Variants in XKR9 observed in about 807,000 individuals in gnomAD.
XKR9 encodes XK-related protein 9.
A neutral mutation model predicts 32.0 loss-of-function variants in XKR9; 32 were observed. The observed-to-expected ratio is 1.00, with a 90% CI of 0.76 to 1.34. XKR9 has a LOEUF of 1.34. Among genes scored for constraint, XKR9 ranks in the 40% most tolerant of loss-of-function variants. The pLI, the probability that XKR9 is intolerant of heterozygous loss-of-function variation, is 0.00. For synonymous variants in XKR9, 168 were observed against 143.4 expected (o/e 1.17, Z -1.22); for missense variants, 546 against 429.7 (o/e 1.27, Z -2.39).
chr8:70,848,914 T>C, the XKR9 span, among the ~76,000 whole-genome samples: 4 of 152,144 alleles, frequency 2.6e-5, no homozygotes, highest in Non-Finnish European at 1.5e-5. Flanking sequence ...CCTAAATATA[T>C]GTGCACCCAA....
chr8:70,878,460 A>T, the XKR9 span, among the ~76,000 whole-genome samples: 1 of 152,010 alleles, frequency 6.6e-6, no homozygotes, highest in Non-Finnish European at 1.5e-5. Flanking sequence ...GTGGAGGAAG[A>T]TCTACCAAGC....
At chr8:70,857,522 A>T in the XKR9 span, among the ~76,000 whole-genome samples, 1 of 152,228 alleles carries the variant, frequency 6.6e-6, no homozygotes, top group Non-Finnish European at 1.5e-5. Context: ...TCACAGCCGA[A>T]TTCTACCAGA....
intron 3 of XKR9, among the ~76,000 whole-genome samples, chr8:70,698,931 AT>A (rs1266890840): frequency 8.5e-5 from 13 of 152,130 alleles, no homozygotes; most frequent in African/African-American, 2.9e-4. Flanking sequence ...TCCCTTTACC[AT>A]TAAGTAATGG....
At chr8:70,742,788 C>T (rs1211334340) in intron 2 of XKR9, among the ~76,000 whole-genome samples, 1 of 152,008 alleles carries the variant, frequency 6.6e-6, no homozygotes, top group Non-Finnish European at 1.5e-5. Context: ...CATTATTCCC[C>T]TGTGTGTAAT....
At chr8:70,795,514 G>C in the XKR9 span, among the ~76,000 whole-genome samples, 12 of 152,124 alleles carry the variant, frequency 7.9e-5, no homozygotes, top group Non-Finnish European at 1.8e-4. Flanking sequence ...GGAATTGCTG[G>C]ATCACATGGT....
At chr8:71,000,919 G>A in the XKR9 span, among the ~76,000 whole-genome samples, 1 of 152,208 alleles carries the variant, frequency 6.6e-6, no homozygotes, top group African/African-American at 2.4e-5. Flanking sequence ...TCTTGGAAGG[G>A]TAACAAGAGT....
At chr8:70,686,721 G>T (rs892088257) in intron 3 of XKR9, among the ~76,000 whole-genome samples, 8 of 152,014 alleles carry the variant, frequency 5.3e-5, no homozygotes, top group African/African-American at 1.7e-4. Flanking sequence ...TTCTCTTCTT[G>T]CTTGAATGGT....
At chr8:70,720,894 C>G (rs939874104) in intron 4 of XKR9, among the ~76,000 whole-genome samples, 1 of 152,142 alleles carries the variant, frequency 6.6e-6, no homozygotes, top group Non-Finnish European at 1.5e-5. Flanking sequence ...CCTCTTTGTA[C>G]CTCTGGTAGA....
chr8:70,975,676 G>A, the XKR9 span, among the ~76,000 whole-genome samples: 3 of 152,304 alleles, frequency 2.0e-5, no homozygotes, highest in East Asian at 1.9e-4. Flanking sequence ...CAGGTAGCGC[G>A]ATGCCTCTAG....
At chr8:70,757,987 T>G (rs1807253598) in intron 2 of XKR9, among the ~76,000 whole-genome samples, 1 of 152,238 alleles carries the variant, frequency 6.6e-6, no homozygotes, top group Non-Finnish European at 1.5e-5. Flanking sequence ...CTCTCCCACT[T>G]GCCAGAGAAT....
the XKR9 span, among the ~76,000 whole-genome samples, chr8:70,877,651 A>G: frequency 1.3e-5 from 2 of 152,234 alleles, no homozygotes; most frequent in Non-Finnish European, 2.9e-5. Context: ...TCCAAGAAAT[A>G]TGGGACTATG....
chr8:70,805,957 C>A, the XKR9 span, among the ~76,000 whole-genome samples: 1 of 152,168 alleles, frequency 6.6e-6, no homozygotes. Flanking sequence ...CTGAGTGAGA[C>A]CTTCCAACAG....
chr8:70,681,122 T>G lies in XKR9; in HGVS notation c.64T>G (p.Leu22Val). 6.2e-7 allele frequency: 1 copy of G among 1,613,444 alleles called. No individual in the cohort carries two copies. Among genetic ancestry groups the G allele is most frequent in the Non-Finnish European group, 8.5e-7 (1 of 1,179,520 alleles). The change falls in exon 3 of 5, where the codon TTA (leucine) becomes GTA (valine). Residue 22 changes from leucine (L) to valine (V), a missense_variant. Physicochemically the swap from Leu to Val is conservative, Grantham distance 32. Coordinates refer to ENST00000408926, the MANE Select transcript of XKR9 (RefSeq NM_001011720.2). ...VLGIIIYVTDLIVDIWVSVRF... is the reference protein window; with the variant it reads ...VLGIIIYVTDVIVDIWVSVRF... Reference sequence around the variant, plus strand: ...TGGCATTATAATCTACGTAACTGATTTAATTGTGGACATATGGGTATCTGT... The same window carrying G: ...TGGCATTATAATCTACGTAACTGATGTAATTGTGGACATATGGGTATCTGT...
the XKR9 span, among the ~76,000 whole-genome samples, chr8:70,799,147 C>A: frequency 6.6e-6 from 1 of 152,046 alleles, no homozygotes; most frequent in South Asian, 2.1e-4. Flanking sequence ...GGCAGTGTGG[C>A]CATTTTAACA....
At chr8:70,873,771 T>C in the XKR9 span, among the ~76,000 whole-genome samples, 1 of 152,242 alleles carries the variant, frequency 6.6e-6, no homozygotes, top group Non-Finnish European at 1.5e-5. Flanking sequence ...AGTGGATAAC[T>C]CACAGCAGAG....
intron 2 of XKR9, among the ~76,000 whole-genome samples, chr8:70,767,445 A>AC (rs1186219320): frequency 3.5e-5 from 5 of 143,330 alleles, no homozygotes; most frequent in African/African-American, 1.0e-4. Flanking sequence ...CAGTGGTGAT[A>AC]CCCCCTTTAT....
chr8:70,689,203 G>C (rs1181722769), intron 3 of XKR9, among the ~76,000 whole-genome samples: 1 of 151,928 alleles, frequency 6.6e-6, no homozygotes, highest in Admixed American at 6.6e-5. Flanking sequence ...AGAGAATAAG[G>C]ATAGTTCATA....
chr8:70,886,788 C>T, the XKR9 span, among the ~76,000 whole-genome samples: 1 of 151,630 alleles, frequency 6.6e-6, no homozygotes, highest in Non-Finnish European at 1.5e-5. Context: ...GATATTAGAC[C>T]TTTGTCAGGT....
chr8:70,866,231 C>G, the XKR9 span, among the ~76,000 whole-genome samples: 1 of 152,140 alleles, frequency 6.6e-6, no homozygotes, highest in South Asian at 2.1e-4. Flanking sequence ...CCTAAATTCC[C>G]CAGTCTGGGT....
Sources: gnomAD v4.1 joint callset for allele counts (sites outside exome capture counted in the v4.1 genomes callset) on GRCh38, gnomAD v4.1.1 for gene constraint, MANE v1.5 for transcripts, NCBI Gene and HGNC (gene_info 2026-07-23, HGNC 2026-07-21) for gene names.